The following EPHA6 variants were observed in gnomAD, a reference collection of about 807,000 sequenced individuals.
EPHA6 encodes the protein EPH receptor A6.
Under a neutral mutation model 112.0 loss-of-function variants are expected in EPHA6, and 50 were observed. The ratio of observed to expected loss-of-function variants is 0.45; its 90% CI spans 0.36 to 0.56. The LOEUF is 0.56. Among genes scored for constraint, EPHA6 ranks in the 20% least tolerant of loss-of-function variants. The probability of loss-of-function intolerance (pLI) is 0.00; values close to 1 mark genes in which losing one functional copy is unlikely to be tolerated. For synonymous variants in EPHA6, 529 were observed against 490.7 expected (o/e 1.08, Z -1.03); for missense variants, 1,280 against 1,417.4 (o/e 0.90, Z 1.56).
intron 5 of EPHA6, among the ~76,000 whole-genome samples, chr3:97,289,548 T>C (rs1451504994): frequency 6.6e-6 from 1 of 152,110 alleles, no homozygotes; most frequent in African/African-American, 2.4e-5. Flanking sequence ...CTTAGGATTG[T>C]TTTGTCTATT....
chr3:97,731,217 A>G (rs2035020030), intron 15 of EPHA6, among the ~76,000 whole-genome samples: 1 of 152,120 alleles, frequency 6.6e-6, no homozygotes, highest in Non-Finnish European at 1.5e-5. Flanking sequence ...GCAGAGGCCC[A>G]GATGACTCCC....
At chr3:97,475,590 C>A in intron 8 of EPHA6, 130 bp downstream of exon 8, 1 of 590,998 alleles carries the variant, frequency 1.7e-6, no homozygotes, top group Non-Finnish European at 2.9e-6. Context: ...AGAATCCACT[C>A]TGACAGTGAA....
chr3:97,259,802 CCT>C (rs1491106076), intron 5 of EPHA6, among the ~76,000 whole-genome samples: 39 of 141,134 alleles, frequency 2.8e-4, no homozygotes, highest in African/African-American at 1.1e-3. Context: ...AGAAAGTATA[CCT>C]TTTTTTTTTT....
intron 6 of EPHA6, among the ~76,000 whole-genome samples, chr3:97,406,288 A>G (rs2087338929): frequency 6.6e-6 from 1 of 152,138 alleles, no homozygotes; most frequent in Admixed American, 6.6e-5. Context: ...TTATTGGCTT[A>G]TGGTTCTGGA....
intron 5 of EPHA6, among the ~76,000 whole-genome samples, chr3:97,262,837 T>G (rs1315943496): frequency 1.3e-5 from 2 of 152,180 alleles, no homozygotes; most frequent in Non-Finnish European, 2.9e-5. Context: ...ACTTGCTATA[T>G]TCCCTGTGCC....
At chr3:97,025,158 G>T (rs1297777447) in intron 3 of EPHA6, among the ~76,000 whole-genome samples, 1 of 152,120 alleles carries the variant, frequency 6.6e-6, no homozygotes, top group African/African-American at 2.4e-5. Context: ...TTTTTATGAG[G>T]ATTAAATGAG....
At chr3:96,915,099 AT>A (rs1325394914) in intron 2 of EPHA6, among the ~76,000 whole-genome samples, 1 of 151,898 alleles carries the variant, frequency 6.6e-6, no homozygotes, top group Non-Finnish European at 1.5e-5. Context: ...CAAGGGATGG[AT>A]TTTTAAAGCT....
chr3:97,745,797 C>T (rs964269905), intron 16 of EPHA6, among the ~76,000 whole-genome samples: 11 of 151,866 alleles, frequency 7.2e-5, no homozygotes, highest in African/African-American at 2.7e-4. Flanking sequence ...GACTCGGGTC[C>T]TGGTGACTTT....
chr3:96,855,010 C>A (rs2035611907), intron 1 of EPHA6, among the ~76,000 whole-genome samples: 1 of 152,084 alleles, frequency 6.6e-6, no homozygotes. Context: ...GCGTTCCATT[C>A]TGGAGGTTCT....
intron 13 of EPHA6, among the ~76,000 whole-genome samples, chr3:97,625,794 C>A (rs2093851504): frequency 6.6e-6 from 1 of 151,482 alleles, no homozygotes; most frequent in Non-Finnish European, 1.5e-5. Context: ...GAAGAAGGGA[C>A]CATTTAAAAA....
chr3:97,348,530 G>A (rs1444463352), intron 5 of EPHA6, among the ~76,000 whole-genome samples: 1 of 151,138 alleles, frequency 6.6e-6, no homozygotes, highest in African/African-American at 2.4e-5. Flanking sequence ...CTTGAGAATA[G>A]TTATTATTAT....
intron 3 of EPHA6, among the ~76,000 whole-genome samples, chr3:97,131,065 C>T (rs1410665535): frequency 6.6e-6 from 1 of 151,986 alleles, no homozygotes; most frequent in African/African-American, 2.4e-5. Flanking sequence ...AACTCTGATA[C>T]TACAGTGGCA....
At chr3:97,153,794 A>G (rs913042240) in intron 3 of EPHA6, among the ~76,000 whole-genome samples, 2 of 152,168 alleles carry the variant, frequency 1.3e-5, no homozygotes, top group African/African-American at 2.4e-5. Context: ...CATGTGATCA[A>G]AATTAAACTT....
In EPHA6 at chr3:97,755,613, C is replaced by T. The variant is rs1419496162; in HGVS notation, c.*6912C>T. Reference sequence around the variant, plus strand: ...GAACTATCTTTATCCCAAAATAATACATTATTATAGAAAAAATTCCAAGGA... The same window carrying T: ...GAACTATCTTTATCCCAAAATAATATATTATTATAGAAAAAATTCCAAGGA... On this transcript the variant is annotated 3_prime_UTR_variant, in exon 18 of 18. Coordinates refer to ENST00000389672, the MANE Select transcript of EPHA6 (RefSeq NM_001080448.3). Among the ~76,000 whole-genome samples, 1 of 152,044 alleles carries T rather than the reference C, an allele frequency of 6.6e-6. No homozygotes were observed. The highest frequency in any genetic ancestry group is 6.5e-5 in the Admixed American group (1 of 15,268).
At chr3:97,266,337 T>G (rs964476700) in intron 5 of EPHA6, among the ~76,000 whole-genome samples, 2 of 152,206 alleles carry the variant, frequency 1.3e-5, no homozygotes, top group Non-Finnish European at 2.9e-5. Flanking sequence ...CATAATTTAT[T>G]ATATTTTTCC....
chr3:97,111,553 G>A (rs1487443916), intron 3 of EPHA6, among the ~76,000 whole-genome samples: 3 of 151,908 alleles, frequency 2.0e-5, no homozygotes, highest in Admixed American at 6.6e-5. Context: ...TAAATGAATC[G>A]TTAAAATTAT....
intron 14 of EPHA6, among the ~76,000 whole-genome samples, chr3:97,712,315 G>A (rs1225005349): frequency 6.6e-6 from 1 of 152,174 alleles, no homozygotes; most frequent in Non-Finnish European, 1.5e-5. Flanking sequence ...AATACCTCAA[G>A]AGAGATGTTA....
At chr3:96,967,181 TACAC>T (rs144463079) in intron 2 of EPHA6, among the ~76,000 whole-genome samples, 3,040 of 146,104 alleles carry the variant, frequency 0.021, 71 homozygotes, top group African/African-American at 0.051. Context: ...ATGCTATGAA[TACAC>T]ACACACACAC....
chr3:97,727,257 C>T (rs1486456), intron 15 of EPHA6, among the ~76,000 whole-genome samples: 149,312 of 152,176 alleles, frequency 0.98, 73,274 homozygotes, highest in East Asian at 0.99. Flanking sequence ...CTTTAGATTG[C>T]TTTCTGAAAC....
Sources: gnomAD v4.1 joint callset for allele counts (sites outside exome capture counted in the v4.1 genomes callset) on GRCh38, gnomAD v4.1.1 for gene constraint, MANE v1.5 for transcripts, NCBI Gene and HGNC (gene_info 2026-07-23, HGNC 2026-07-21) for gene names.